The following TRMT9B variants were observed in gnomAD, a reference collection of about 807,000 sequenced individuals.
TRMT9B encodes tRNA methyltransferase 9B (putative), also known as probable tRNA methyltransferase 9B.
A neutral mutation model predicts 11.5 loss-of-function variants in TRMT9B; 16 were observed. That is an observed-to-expected ratio of 1.39 (90% CI 0.94 to 2.11). The LOEUF is 2.11. Ranked by LOEUF, TRMT9B falls within the 30% of genes most tolerant of loss-of-function variation. TRMT9B has a pLI of 0.00. For synonymous variants in TRMT9B, 274 were observed against 192.4 expected (o/e 1.42, Z -3.51); for missense variants, 941 against 553.8 (o/e 1.70, Z -7.02).
chr8:13,006,249 T>C lies in TRMT9B; in HGVS notation c.47T>C (p.Val16Ala). ...CTGGAGAAGCAGCATGTGCACAATG[T>C]GTACGAGAGCACAGCCCCTTACTTC... ...AQLEKQHVHN[V>A]YESTAPYFSD... Residue 16 changes from valine (V) to alanine (A), a missense_variant, in exon 3 of 5, where the codon GTG becomes GCG. By Grantham distance (64) the Val-to-Ala change is moderately conservative (BLOSUM62 0). Transcript: ENST00000524591. The C allele has an allele frequency of 6.2e-7, 1 of 1,614,004 alleles. No individual in the cohort carries two copies. Among genetic ancestry groups the C allele is most frequent in the Non-Finnish European group, 8.5e-7 (1 of 1,179,886 alleles).
chr8:13,016,290 T>G, intron 4 of TRMT9B, among the ~76,000 whole-genome samples: 1 of 106,444 alleles, frequency 9.4e-6, no homozygotes, highest in Non-Finnish European at 1.9e-5. Context: ...TATATTTGTG[T>G]GTTTATATAA....
rs971227833 is a variant in TRMT9B, at chr8:13,011,835, A to G, written c.155-849A>G. The G allele has an allele frequency of 4.1e-6, 4 of 968,718 alleles. No individual in the cohort carries two copies. In the African/African-American group the frequency reaches 7.0e-5, roughly 17 times the overall value. The allele number at this position is 968,718 out of a possible 1,614,324, so 60.0% of individuals were successfully genotyped here. ...GTAGCAATGAATAGAGATTGGATAAAAACAATGTTAAAAATTCTTTTCTAA... is the reference window on the plus strand; with the variant it reads ...GTAGCAATGAATAGAGATTGGATAAGAACAATGTTAAAAATTCTTTTCTAA... On this transcript the variant is annotated intron_variant, in intron 3 of 4. Transcript: ENST00000524591.
At chr8:12,967,991 G>C (rs966140905) in intron 1 of TRMT9B, among the ~76,000 whole-genome samples, 1 of 152,128 alleles carries the variant, frequency 6.6e-6, no homozygotes, top group Non-Finnish European at 1.5e-5. Context: ...CGCCTACTGG[G>C]CTCTCACCTC....
intron 4 of TRMT9B, among the ~76,000 whole-genome samples, chr8:13,018,943 A>G (rs778355123): frequency 1.4e-4 from 21 of 152,202 alleles, no homozygotes; most frequent in Non-Finnish European, 2.9e-4. Context: ...AAAATAGATC[A>G]CAAAAAGAAC....
At chr8:13,010,679 C>A in intron 3 of TRMT9B, 1 of 984,734 alleles carries the variant, frequency 1.0e-6, no homozygotes, top group Non-Finnish European at 1.2e-6. Context: ...ATGTATGAGT[C>A]TGATTTTATT....
chr8:12,952,762 C>CA, intron 1 of TRMT9B: 5 of 838,846 alleles, frequency 6.0e-6, no homozygotes, highest in Non-Finnish European at 7.2e-6. Flanking sequence ...TGTTGTTTGA[C>CA]GGAGTCTCTC....
At position 13,024,521 on chromosome 8, in the gene TRMT9B, C is replaced by T. The variant is rs1475088056; in HGVS notation, c.*2477C>T. 1 of 167,078 alleles carries T rather than the reference C, an allele frequency of 6.0e-6. No homozygotes were observed. Among genetic ancestry groups the T allele is most frequent in the Non-Finnish European group, 1.5e-5 (1 of 68,138 alleles). 10.3% of individuals were successfully genotyped at this position (167,078 alleles called of 1,614,324 possible). A position where few individuals can be genotyped will look rare whatever the true frequency, so the allele number is the denominator to read the frequency against. On this transcript the variant is annotated 3_prime_UTR_variant, in exon 5 of 5. Transcript: ENST00000524591. ...TGTCACATGGGTTTTTAATCCTGGC[C>T]TTGCTGCTAGAAATCTGTGCTTGAA...
chr8:13,000,978 G>T (rs570929986), intron 2 of TRMT9B, among the ~76,000 whole-genome samples: 1 of 152,196 alleles, frequency 6.6e-6, no homozygotes, highest in African/African-American at 2.4e-5. Flanking sequence ...GTGACCCTGA[G>T]CCCCTATCTA....
intron 1 of TRMT9B, among the ~76,000 whole-genome samples, chr8:12,975,795 G>A (rs904987903): frequency 6.6e-6 from 1 of 151,866 alleles, no homozygotes; most frequent in Non-Finnish European, 1.5e-5. Context: ...GCTATTTGGG[G>A]GCATTCATTC....
At position 13,028,950 on chromosome 8, in the gene TRMT9B, C is replaced by G. The variant is rs1410260689; in HGVS notation, c.*6906C>G. 1 of 166,896 alleles carries G rather than the reference C, an allele frequency of 6.0e-6. No homozygotes were observed. The highest frequency in any genetic ancestry group is 1.5e-5 in the Non-Finnish European group (1 of 68,082). 10.3% of individuals were successfully genotyped at this position (166,896 alleles called of 1,614,324 possible). A position where few individuals can be genotyped will look rare whatever the true frequency, so the allele number is the denominator to read the frequency against. ...ATACATTAAGGCTCACTAATGTGGA[C>G]CTAAGTGAGTATCTGAGAGGCTTTG... On this transcript the variant is annotated 3_prime_UTR_variant, in exon 5 of 5. Coordinates refer to ENST00000524591, the MANE Select transcript of TRMT9B (RefSeq NM_020844.3).
At position 13,021,589 on chromosome 8, in the gene TRMT9B, G is replaced by T; in HGVS notation, c.910G>T (p.Gly304Trp). The T allele has an allele frequency of 6.2e-7, 1 of 1,613,902 alleles. No individual in the cohort carries two copies. The highest frequency in any genetic ancestry group is 8.5e-7 in the Non-Finnish European group (1 of 1,179,856). ...TCACCAAGAGCCATTTTCAACAAAA[G>T]GGCAAAGTTTAGATGAGGAAGTGTT... ...FDHQEPFSTKGQSLDEEVFVE... is the reference protein window; with the variant it reads ...FDHQEPFSTKWQSLDEEVFVE... Residue 304 changes from glycine to tryptophan, a missense_variant, in exon 5 of 5, where the codon GGG becomes TGG. Coordinates refer to ENST00000524591, the MANE Select transcript of TRMT9B (RefSeq NM_020844.3).
chr8:13,006,638 C>T, intron 3 of TRMT9B: 1 of 1,354,550 alleles, frequency 7.4e-7, no homozygotes, highest in Non-Finnish European at 9.5e-7. Context: ...GTCAAGTCAG[C>T]AGCAAGTAAA....
chr8:12,976,612 A>G (rs567840323), intron 1 of TRMT9B, among the ~76,000 whole-genome samples: 84 of 152,258 alleles, frequency 5.5e-4, no homozygotes, highest in African/African-American at 1.9e-3. Flanking sequence ...AATAAAAATA[A>G]CATATCAGTA....
At chr8:12,992,667 C>T (rs1314515711) in intron 2 of TRMT9B, among the ~76,000 whole-genome samples, 1 of 151,192 alleles carries the variant, frequency 6.6e-6, no homozygotes, top group Non-Finnish European at 1.5e-5. Flanking sequence ...GCCTGGGCAA[C>T]ATGGTGAAAA....
Position 12,990,860 on chromosome 8 carries a change from A to C in TRMT9B, c.-173A>C, listed in dbSNP as rs1314990379. Reference sequence around the variant, plus strand: ...GCCTGTGCTTCCTTCAGAGACTCACACAAGAGGTTTATCATGAGAAGGACC... The same window carrying C: ...GCCTGTGCTTCCTTCAGAGACTCACCCAAGAGGTTTATCATGAGAAGGACC... On this transcript the variant is annotated 5_prime_UTR_variant, in exon 2 of 5. Transcript: ENST00000524591. 4 of 1,289,702 alleles carry C rather than the reference A, an allele frequency of 3.1e-6. No individual in the cohort carries two copies. The highest frequency in any genetic ancestry group is 4.0e-6 in the Non-Finnish European group (4 of 988,612). The allele number at this position is 1,289,702 out of a possible 1,614,324, so 79.9% of individuals were successfully genotyped here. A position where few individuals can be genotyped will look rare whatever the true frequency, so the allele number is the denominator to read the frequency against.
chr8:12,955,391 G>T (rs547963426), intron 1 of TRMT9B, among the ~76,000 whole-genome samples: 12 of 152,178 alleles, frequency 7.9e-5, no homozygotes, highest in African/African-American at 2.6e-4. Context: ...ACACATATGC[G>T]TGTTTTTATT....
intron 1 of TRMT9B, among the ~76,000 whole-genome samples, chr8:12,978,514 TAGA>T (rs1804813344): frequency 8.3e-5 from 1 of 12,008 alleles, no homozygotes; most frequent in African/African-American, 3.2e-4. Flanking sequence ...AGATGATAGA[TAGA>T]TGATAGATAG....
chr8:13,004,364 C>T (rs1163982740), intron 2 of TRMT9B, among the ~76,000 whole-genome samples: 7 of 151,734 alleles, frequency 4.6e-5, no homozygotes, highest in Non-Finnish European at 8.8e-5. Flanking sequence ...TGCACCACCC[C>T]GCTCCCAACC....
chr8:12,953,895 G>A (rs780816149), intron 1 of TRMT9B, among the ~76,000 whole-genome samples: 3 of 152,106 alleles, frequency 2.0e-5, no homozygotes, highest in African/African-American at 4.8e-5. Context: ...CTTTATTAAC[G>A]CATTTGATCA....
Sources: allele counts gnomAD v4.1 joint callset (sites outside exome capture counted in the v4.1 genomes callset), GRCh38; gene constraint gnomAD v4.1.1; transcripts MANE v1.5; gene names NCBI Gene and HGNC (gene_info 2026-07-23, HGNC 2026-07-21).